Variants in GALNT18 observed in about 807,000 individuals in gnomAD.
GALNT18 encodes the protein GalNAc-transferase 18.
GALNT18 carries 44 observed loss-of-function variants against 69.5 expected under a neutral mutation model. That is an observed-to-expected ratio of 0.63 (90% CI 0.50 to 0.81). The LOEUF (loss-of-function observed/expected upper bound fraction) is 0.81. Among genes scored for constraint, GALNT18 ranks in the 40% least tolerant of loss-of-function variants. The pLI is 0.00. For missense variants in GALNT18, 715 were observed against 810.0 expected (o/e 0.88, Z 1.42); for synonymous variants, 364 against 318.2 (o/e 1.14, Z -1.53).
chr11:11,507,013 C>T (rs938881551), intron 1 of GALNT18, among the ~76,000 whole-genome samples: 1 of 152,208 alleles, frequency 6.6e-6, no homozygotes, highest in Non-Finnish European at 1.5e-5. Context: ...AAGAAAGTTA[C>T]TCTCTGGCAG....
intron 3 of GALNT18, among the ~76,000 whole-genome samples, chr11:11,427,640 A>G (rs1250277969): frequency 1.3e-5 from 2 of 152,158 alleles, no homozygotes; most frequent in African/African-American, 4.8e-5. Flanking sequence ...GGTTAAGAAC[A>G]CACAGGTAGC....
chr11:11,451,542 A>G (rs11822766), intron 1 of GALNT18, among the ~76,000 whole-genome samples: 37,420 of 151,978 alleles, frequency 0.25, 4,892 homozygotes, highest in African/African-American at 0.34. Flanking sequence ...GATGAGGTGG[A>G]GGGCCTACAG....
chr11:11,420,714 A>C (rs1018319823), intron 3 of GALNT18, among the ~76,000 whole-genome samples: 13 of 152,162 alleles, frequency 8.5e-5, no homozygotes, highest in African/African-American at 3.1e-4. Flanking sequence ...AAGAATGAAC[A>C]AGGAGACCTT....
chr11:11,540,764 C>A lies in GALNT18; in HGVS notation c.235+80595G>T, dbSNP rs958103178. ...GTATGACTCTCTGATCACAGCAATA[C>A]GTTAGACTCAGTGGAAATGTGTGTC... On this transcript the variant is annotated intron_variant, in intron 1 of 10. Coordinates refer to ENST00000227756, the MANE Select transcript of GALNT18 (RefSeq NM_198516.3). The surrounding 1 kb of genome is among the most constrained non-coding windows in gnomAD (Gnocchi z 4.6). 1.3e-5 allele frequency among the ~76,000 whole-genome samples: 2 copies of A among 152,114 alleles called. No homozygotes were observed. The highest frequency in any genetic ancestry group is 1.3e-4 in the Admixed American group (2 of 15,278).
In GALNT18 at chr11:11,327,278, T is replaced by G. The variant is rs188596818; in HGVS notation, c.1417-97A>C. 5 of 931,804 alleles carry G rather than the reference T, an allele frequency of 5.4e-6. No individual in the cohort carries two copies. The African/African-American group carries it at 8.1e-5, about 15-fold the overall frequency. The allele number at this position is 931,804 out of a possible 1,614,324, so 57.7% of individuals were successfully genotyped here. A position where few individuals can be genotyped will look rare whatever the true frequency, so the allele number is the denominator to read the frequency against. On this transcript the variant is annotated intron_variant, in intron 8 of 10. Transcript: ENST00000227756. ...AAACAAGTATTCTGCTGAGACAGAT[T>G]TCATGTCCATAATCAGCCCAAGGCC...
At position 11,383,554 on chromosome 11, in the gene GALNT18, T is replaced by C. The variant is rs1005133791; in HGVS notation, c.596-4290A>G. Among the ~76,000 whole-genome samples the C allele has an allele frequency of 2.6e-5, 4 of 152,168 alleles. No homozygotes were observed. Among genetic ancestry groups the C allele is most frequent in the African/African-American group, 9.7e-5 (4 of 41,434 alleles). On this transcript the variant is annotated intron_variant, in intron 3 of 10. Coordinates refer to ENST00000227756, the MANE Select transcript of GALNT18 (RefSeq NM_198516.3). The surrounding 1 kb of genome is among the most constrained non-coding windows in gnomAD (Gnocchi z 5.2). ...CAGAGTCCTCACCTCTCCCTCAAGG[T>C]TCAGATGAGCATTTCCCACATCTTC...
intron 1 of GALNT18, among the ~76,000 whole-genome samples, chr11:11,522,508 G>A (rs989097409): frequency 6.6e-6 from 1 of 152,126 alleles, no homozygotes; most frequent in African/African-American, 2.4e-5. Context: ...CATGCCCACA[G>A]AAACACGCAG....
chr11:11,394,771 G>T (rs1363608733), intron 3 of GALNT18, among the ~76,000 whole-genome samples: 1 of 152,178 alleles, frequency 6.6e-6, no homozygotes, highest in East Asian at 1.9e-4. Flanking sequence ...CGACAGGCGG[G>T]GTCTGGTCCT....
rs937014263 is a variant in GALNT18, at chr11:11,497,752, A to ATAT, written c.236-48819_236-48817dup. ...GTGTATGTGCATATACATATTTTCTATATATATATATATATACACACACAC... is the reference window on the plus strand; with the variant it reads ...GTGTATGTGCATATACATATTTTCTATATTATATATATATATATACACACACAC... On this transcript the variant is annotated intron_variant, in intron 1 of 10. Transcript: ENST00000227756. This position sits in a 1 kb window ranked among gnomAD's most constrained non-coding sequence, Gnocchi z 4.2. Among the ~76,000 whole-genome samples the ATAT allele has an allele frequency of 2.2e-4, 32 of 148,398 alleles. No individual in the cohort carries two copies. Among genetic ancestry groups the ATAT allele is most frequent in the African/African-American group, 7.9e-4 (32 of 40,318 alleles).
In GALNT18 at chr11:11,432,961, C is replaced by T. The variant is rs1030047100; in HGVS notation, c.429-174G>A. ...GCCCTAAATGTCCAGCAGAAAGGCCCACAAGCATTGAAACCAGTTCACCCC... is the reference window on the plus strand; with the variant it reads ...GCCCTAAATGTCCAGCAGAAAGGCCTACAAGCATTGAAACCAGTTCACCCC... On this transcript the variant is annotated intron_variant, in intron 2 of 10. Transcript: ENST00000227756. The surrounding 1 kb of genome is among the most constrained non-coding windows in gnomAD (Gnocchi z 5.8). 2.0e-5 allele frequency among the ~76,000 whole-genome samples: 3 copies of T among 152,156 alleles called. No individual in the cohort carries two copies. Among genetic ancestry groups the T allele is most frequent in the African/African-American group, 7.2e-5 (3 of 41,428 alleles).
intron 1 of GALNT18, among the ~76,000 whole-genome samples, chr11:11,525,242 C>G (rs1857492341): frequency 6.6e-6 from 1 of 152,058 alleles, no homozygotes; most frequent in East Asian, 1.9e-4. Context: ...TTAAACATCA[C>G]TCTCAAGGAA....
Position 11,505,069 on chromosome 11 carries a change from T to C in GALNT18, c.236-56133A>G, listed in dbSNP as rs919261841. 1.3e-5 allele frequency among the ~76,000 whole-genome samples: 2 copies of C among 152,080 alleles called. No individual in the cohort carries two copies. The highest frequency in any genetic ancestry group is 2.9e-5 in the Non-Finnish European group (2 of 67,982). ...ATATGTACAAAGTGCCATGGGAACA[T>C]AGGAAAAGGAGCAAAGTTTAAAGAA... On this transcript the variant is annotated intron_variant, in intron 1 of 10. Coordinates refer to ENST00000227756, the MANE Select transcript of GALNT18 (RefSeq NM_198516.3). This position sits in a 1 kb window ranked among gnomAD's most constrained non-coding sequence, Gnocchi z 4.6.
At position 11,439,692 on chromosome 11, in the gene GALNT18, T is replaced by C. The variant is rs996026496; in HGVS notation, c.429-6905A>G. On this transcript the variant is annotated intron_variant, in intron 2 of 10. Coordinates refer to ENST00000227756, the MANE Select transcript of GALNT18 (RefSeq NM_198516.3). The surrounding 1 kb of genome is among the most constrained non-coding windows in gnomAD (Gnocchi z 4.4). ...TTCAGCACAGAGTAGAAATTCAGAA[T>C]GCACCTGGTGATGGGCTGAGTGAAC... Among the ~76,000 whole-genome samples the C allele has an allele frequency of 6.6e-6, 1 of 152,216 alleles. No individual in the cohort carries two copies. Among genetic ancestry groups the C allele is most frequent in the Non-Finnish European group, 1.5e-5 (1 of 68,034 alleles).
rs1850131501 is a variant in GALNT18 at position 11,337,344 on chromosome 11, A to G, written c.1278+3475T>C. On this transcript the variant is annotated intron_variant, in intron 7 of 10. Transcript: ENST00000227756. The surrounding 1 kb of genome is among the most constrained non-coding windows in gnomAD (Gnocchi z 4.9). ...TGCTAGATATAATGACACAAAAATG[A>G]ATAAAGCAGTCTGTCCTCAGAGAGC... 6.6e-6 allele frequency among the ~76,000 whole-genome samples: 1 copy of G among 152,056 alleles called. No homozygotes were observed. The highest frequency in any genetic ancestry group is 2.1e-4 in the South Asian group (1 of 4,804).
Position 11,563,817 on chromosome 11 carries a change from G to A in GALNT18, c.235+57542C>T, listed in dbSNP as rs1298617911. Among the ~76,000 whole-genome samples, 3 of 152,208 alleles carry A rather than the reference G, an allele frequency of 2.0e-5. No individual in the cohort carries two copies. On this transcript the variant is annotated intron_variant, in intron 1 of 10. Coordinates refer to ENST00000227756, the MANE Select transcript of GALNT18 (RefSeq NM_198516.3). The surrounding 1 kb of genome is among the most constrained non-coding windows in gnomAD (Gnocchi z 4.6). ...CTATCCAGAACTATAAATATCCAGA[G>A]AGAGGGAGACGAGATGAGAAAACAG...
chr11:11,574,285 G>C (rs188815660), intron 1 of GALNT18, among the ~76,000 whole-genome samples: 3 of 152,296 alleles, frequency 2.0e-5, no homozygotes, highest in Admixed American at 2.0e-4. Context: ...GATGGCTTCT[G>C]AAGGCTACAA....
chr11:11,539,654 G>T (rs143608749), intron 1 of GALNT18, among the ~76,000 whole-genome samples: 1 of 152,270 alleles, frequency 6.6e-6, no homozygotes, highest in South Asian at 2.1e-4. Context: ...GGGAGGCTGC[G>T]GAGGGTTCCA....
chr11:11,276,360 A>T (rs1220644554), intron 10 of GALNT18, among the ~76,000 whole-genome samples: 1 of 152,102 alleles, frequency 6.6e-6, no homozygotes, highest in African/African-American at 2.4e-5. Flanking sequence ...AATGCTTGTG[A>T]TTTTTGCACA....
intron 1 of GALNT18, among the ~76,000 whole-genome samples, chr11:11,575,307 AT>A (rs1157747821): frequency 6.6e-6 from 1 of 152,146 alleles, no homozygotes; most frequent in Non-Finnish European, 1.5e-5. Context: ...CACATCTTTG[AT>A]CAAGCTATTA....
Sources: allele counts gnomAD v4.1 joint callset (sites outside exome capture counted in the v4.1 genomes callset), GRCh38; gene constraint gnomAD v4.1.1; non-coding constraint Gnocchi (gnomAD v3.1); transcripts MANE v1.5; gene names NCBI Gene and HGNC (gene_info 2026-07-23, HGNC 2026-07-21).